CACNB2: variants seen among roughly 807,000 people sequenced by gnomAD.
CACNB2 encodes the protein calcium voltage-gated channel auxiliary subunit beta 2.
In CACNB2, 42 loss-of-function variants were observed where a neutral mutation model predicts 73.3. The ratio of observed to expected loss-of-function variants is 0.57; its 90% confidence interval spans 0.45 to 0.74. CACNB2 has a LOEUF of 0.74. CACNB2 is among the 30% of genes least tolerant of loss of function. CACNB2 has a pLI of 0.00. For missense variants in CACNB2, 940 were observed against 853.0 expected, an observed-to-expected ratio of 1.10 and a Z score of -1.27; for synonymous variants, 348 against 310.3, an observed-to-expected ratio of 1.12 and a Z score of -1.28.
Position 18,229,264 on chromosome 10 carries a change from C to G in CACNB2, c.213+78289C>G, listed in dbSNP as rs560436999. Among the ~76,000 whole-genome samples, 5 of 152,258 alleles carry G rather than the reference C, an allele frequency of 3.3e-5. No individual in the cohort carries two copies. In the South Asian group the frequency reaches 1.0e-3, roughly 32 times the overall value. ...AATCTGAAGACTAAATCCATAATTT[C>G]AATTACATGATTTTATTTATTCTTA... is the stretch of plus-strand genomic sequence containing the variant. On this transcript the variant is annotated intron_variant, in intron 2 of 13. Transcript: ENST00000324631.
intron 2 of CACNB2, among the ~76,000 whole-genome samples, chr10:18,354,094 AG>A: frequency 6.6e-6 from 1 of 152,332 alleles, no homozygotes; most frequent in East Asian, 1.9e-4. Context: ...CAAATTATCC[AG>A]AGTCAAATCC....
chr10:18,281,364 T>C (rs73601575), intron 2 of CACNB2, among the ~76,000 whole-genome samples: 25,178 of 152,102 alleles, frequency 0.17, 2,234 homozygotes, highest in African/African-American at 0.21. Flanking sequence ...TTGGCAGCCA[T>C]TTAGGAGCTG....
In CACNB2 at chr10:18,307,983, C is replaced by CATTTTTTTTTTTTTTTTTT. The variant is rs1356604464; in HGVS notation, c.214-93941_214-93940insATTTTTTTTTTTTTTTTTT. Among the ~76,000 whole-genome samples, 9 of 70,248 alleles carry CATTTTTTTTTTTTTTTTTT rather than the reference C, an allele frequency of 1.3e-4. 1 individual carries two copies. Among genetic ancestry groups the CATTTTTTTTTTTTTTTTTT allele is most frequent in the South Asian group, 4.7e-4 (1 of 2,140 alleles). 46.1% of individuals were successfully genotyped at this position (70,248 alleles called of 152,430 possible). A position where few individuals can be genotyped will look rare whatever the true frequency, so the allele number is the denominator to read the frequency against. On this transcript the variant is annotated intron_variant, in intron 2 of 13. Coordinates refer to ENST00000324631, the MANE Select transcript of CACNB2 (RefSeq NM_201596.3). ...TTAAGTCTAAAATAATATATGCCAA[C>CATTTTTTTTTTTTTTTTTT]TTTTTTTTTTTTTTTTTTTTTTTTT...
rs139543956 is a variant in CACNB2 at position 18,333,137 on chromosome 10, G to A, written c.214-68787G>A. Among the ~76,000 whole-genome samples, 504 of 152,282 alleles carry A rather than the reference G, an allele frequency of 3.3e-3. 2 individuals carry two copies. Among genetic ancestry groups the A allele is most frequent in the African/African-American group, 0.012 (481 of 41,552 alleles). ...CATTTTCAAGTGTATCTCATTCAGC[G>A]ATAGGGATGGGGGGATGGGGAAAAG... On this transcript the variant is annotated intron_variant, in intron 2 of 13. Coordinates refer to ENST00000324631, the MANE Select transcript of CACNB2 (RefSeq NM_201596.3).
chr10:18,359,303 CTTCT>C (rs2042052774), intron 2 of CACNB2, among the ~76,000 whole-genome samples: 1 of 152,040 alleles, frequency 6.6e-6, no homozygotes, highest in Non-Finnish European at 1.5e-5. Context: ...ACAGGGTCTC[CTTCT>C]GTCACCCAGG....
intron 2 of CACNB2, among the ~76,000 whole-genome samples, chr10:18,263,961 C>T (rs181874366): frequency 3.0e-4 from 45 of 152,348 alleles, no homozygotes; most frequent in Admixed American, 9.8e-4. Flanking sequence ...AACTCAGCTT[C>T]GCAGCTCAGA....
chr10:18,180,623 C>A (rs576767781), intron 2 of CACNB2, among the ~76,000 whole-genome samples: 1 of 152,212 alleles, frequency 6.6e-6, no homozygotes, highest in East Asian at 1.9e-4. Flanking sequence ...AACCACACAT[C>A]AATGTCTGGC....
In CACNB2 at chr10:18,498,579, A is replaced by C. The variant is rs1013396127; in HGVS notation, c.456+102A>C. On this transcript the variant is annotated intron_variant, in intron 4 of 13. Transcript: ENST00000324631. Reference sequence around the variant, plus strand: ...CCGTTTCTGTGAAGTAGCATTGCACATCGCTGCAGTTGTATAACACACATA... The same window carrying C: ...CCGTTTCTGTGAAGTAGCATTGCACCTCGCTGCAGTTGTATAACACACATA... The C allele has an allele frequency of 3.5e-5, 40 of 1,145,170 alleles. No homozygotes were observed. The Admixed American group carries it at 6.8e-4, about 19-fold the overall frequency. The allele number at this position is 1,145,170 out of a possible 1,614,324, so 70.9% of individuals were successfully genotyped here.
chr10:18,324,650 G>A (rs530056504), intron 2 of CACNB2, among the ~76,000 whole-genome samples: 49 of 152,354 alleles, frequency 3.2e-4, no homozygotes, highest in Non-Finnish European at 6.6e-4. Context: ...AAAGTCCAGA[G>A]TTTGAGACCA....
chr10:18,387,942 A>C (rs1412331043), intron 2 of CACNB2, among the ~76,000 whole-genome samples: 10 of 152,056 alleles, frequency 6.6e-5, no homozygotes, highest in Non-Finnish European at 1.2e-4. Context: ...TTTTTTGTAC[A>C]GATGGGGTCT....
intron 2 of CACNB2, among the ~76,000 whole-genome samples, chr10:18,314,700 GAACCCTACA>G: frequency 6.6e-6 from 1 of 151,758 alleles, no homozygotes; most frequent in African/African-American, 2.4e-5. Flanking sequence ...TCATACACAT[GAACCCTACA>G]GTACCCACTG....
intron 3 of CACNB2, among the ~76,000 whole-genome samples, chr10:18,419,984 T>C (rs1201707132): frequency 6.6e-6 from 1 of 152,228 alleles, no homozygotes; most frequent in Non-Finnish European, 1.5e-5. Context: ...TTCTATAAGT[T>C]CTAGGTTTTT....
chr10:18,482,523 T>A (rs1015078076), intron 3 of CACNB2, among the ~76,000 whole-genome samples: 1 of 152,122 alleles, frequency 6.6e-6, no homozygotes, highest in Non-Finnish European at 1.5e-5. Flanking sequence ...TTGTTTTGTT[T>A]GTTTTGAGAT....
chr10:18,284,560 C>A (rs575806191), intron 2 of CACNB2, among the ~76,000 whole-genome samples: 11 of 152,250 alleles, frequency 7.2e-5, no homozygotes, highest in Admixed American at 6.5e-4. Flanking sequence ...AATGCTGAAT[C>A]CCATCAAGGA....
chr10:18,296,819 A>G (rs1269747916), intron 2 of CACNB2, among the ~76,000 whole-genome samples: 2 of 152,220 alleles, frequency 1.3e-5, no homozygotes, highest in African/African-American at 2.4e-5. Flanking sequence ...AGCATTGCAG[A>G]CAATGTATTA....
At chr10:18,374,449 C>T (rs374663619) in intron 2 of CACNB2, among the ~76,000 whole-genome samples, 41 of 152,114 alleles carry the variant, frequency 2.7e-4, no homozygotes, top group Non-Finnish European at 3.8e-4. Context: ...AAGGCAAGGC[C>T]GGGTACAGTG....
At chr10:18,538,003 TTTGAGGTAGTCAGACAC>T (rs1319358166) in intron 12 of CACNB2, among the ~76,000 whole-genome samples, 160 bp from the exon 13 acceptor site, 5 of 152,268 alleles carry the variant, frequency 3.3e-5, no homozygotes, top group Admixed American at 3.3e-4. Flanking sequence ...TCAACAATGA[TTTGAGGTAGTCAGACAC>T]TTCCTAACTA....
chr10:18,282,095 C>T (rs962875826), intron 2 of CACNB2, among the ~76,000 whole-genome samples: 2 of 151,336 alleles, frequency 1.3e-5, no homozygotes, highest in Admixed American at 6.6e-5. Flanking sequence ...CAGAATTGTC[C>T]ACTTTAAGGA....
At chr10:18,346,090 G>C (rs1015152790) in intron 2 of CACNB2, among the ~76,000 whole-genome samples, 7 of 152,174 alleles carry the variant, frequency 4.6e-5, no homozygotes, top group African/African-American at 1.4e-4. Context: ...TCCCCCTCCA[G>C]TGGCCATTCA....
Sources: gnomAD v4.1 joint callset for allele counts (sites outside exome capture counted in the v4.1 genomes callset) on GRCh38, gnomAD v4.1.1 for gene constraint, MANE v1.5 for transcripts, NCBI Gene and HGNC (gene_info 2026-07-23, HGNC 2026-07-21) for gene names.